Variants in PPP2CA observed in about 807,000 individuals in gnomAD.
PPP2CA encodes the protein serine/threonine-protein phosphatase 2A catalytic subunit alpha isoform.
PPP2CA carries 5 observed loss-of-function variants against 38.8 expected under a neutral mutation model. That is an observed-to-expected ratio of 0.13 (90% CI 0.07 to 0.27). The LOEUF (loss-of-function observed/expected upper bound fraction) is 0.27, where lower values mean the gene tolerates loss of function less well. PPP2CA is among the 10% of genes least tolerant of loss of function. The pLI, the probability that PPP2CA is intolerant of heterozygous loss-of-function variation, is 1.00. For missense variants in PPP2CA, 88 were observed against 389.7 expected (o/e 0.23, Z 6.52); for synonymous variants, 152 against 134.0 (o/e 1.13, Z -0.93).
intron 1 of PPP2CA, among the ~76,000 whole-genome samples, chr5:134,224,035 A>AACTC (rs763628218): frequency 1.6e-4 from 24 of 152,214 alleles, no homozygotes; most frequent in Non-Finnish European, 2.9e-4. Context: ...GTCCAAATCT[A>AACTC]ACTCGCAGTC....
At chr5:134,216,823 C>T (rs927488218) in intron 1 of PPP2CA, among the ~76,000 whole-genome samples, 12 of 152,126 alleles carry the variant, frequency 7.9e-5, no homozygotes, top group Admixed American at 2.0e-4. Context: ...GTTTCTGTAT[C>T]ATCAATTCTG....
intron 5 of PPP2CA, among the ~76,000 whole-genome samples, chr5:134,199,996 C>CTACA (rs1368810638): frequency 6.6e-6 from 1 of 152,162 alleles, no homozygotes; most frequent in Admixed American, 6.5e-5. Context: ...CCAGTCTCTC[C>CTACA]TACATACATA....
In PPP2CA at chr5:134,194,892, G is replaced by C. The variant is rs1178319270; in HGVS notation, c.*2880C>G. ...CCAAGTGCTGGGATTACAGGCATGA[G>C]CCACCGCGCCTGGCTGTTTTTAACC... On this transcript the variant is annotated 3_prime_UTR_variant, in exon 7 of 7. Coordinates refer to ENST00000481195, the MANE Select transcript of PPP2CA (RefSeq NM_002715.4). The C allele has an allele frequency of 6.6e-6, 1 of 152,150 alleles. No individual in the cohort carries two copies. The highest frequency in any genetic ancestry group is 2.4e-5 in the African/African-American group (1 of 41,420). 9.4% of individuals were successfully genotyped at this position (152,150 alleles called of 1,614,324 possible). A position where few individuals can be genotyped will look rare whatever the true frequency, so the allele number is the denominator to read the frequency against.
intron 6 of PPP2CA, among the ~76,000 whole-genome samples, chr5:134,198,875 A>C (rs994125948): frequency 1.3e-5 from 2 of 152,082 alleles, no homozygotes; most frequent in Non-Finnish European, 2.9e-5. Flanking sequence ...TTAAACTCTT[A>C]AACCTCACAT....
chr5:134,207,847 T>A (rs1236198175), intron 1 of PPP2CA, among the ~76,000 whole-genome samples: 1 of 152,190 alleles, frequency 6.6e-6, no homozygotes, highest in Non-Finnish European at 1.5e-5. Context: ...TATACTGGCC[T>A]GAGATACCTA....
intron 1 of PPP2CA, among the ~76,000 whole-genome samples, chr5:134,222,073 A>G (rs977731178): frequency 2.6e-5 from 4 of 152,126 alleles, no homozygotes; most frequent in African/African-American, 9.7e-5. Context: ...ACCTCTGAAA[A>G]CAGAAGGGGA....
At chr5:134,225,659 C>T in intron 1 of PPP2CA, 101 bp downstream of exon 1, 2 of 1,084,118 alleles carry the variant, frequency 1.8e-6, no homozygotes, top group Non-Finnish European at 2.6e-6. Context: ...CTCGGGGGGC[C>T]CGGACCGGCG....
At chr5:134,209,732 C>T (rs1283966957) in intron 1 of PPP2CA, among the ~76,000 whole-genome samples, 3 of 151,446 alleles carry the variant, frequency 2.0e-5, no homozygotes, top group Admixed American at 2.0e-4. Context: ...GAGCCAAGAT[C>T]GCTCCACTGC....
intron 1 of PPP2CA, among the ~76,000 whole-genome samples, chr5:134,209,021 T>C (rs561252600): frequency 4.7e-4 from 72 of 152,188 alleles, no homozygotes; most frequent in Non-Finnish European, 8.7e-4. Context: ...GCACATTTCC[T>C]GAGAGAAGAT....
intron 1 of PPP2CA, among the ~76,000 whole-genome samples, chr5:134,211,671 T>C (rs1762205379): frequency 6.6e-6 from 1 of 151,276 alleles, no homozygotes; most frequent in Non-Finnish European, 1.5e-5. Context: ...CAGACAGGAT[T>C]TCACCATCTT....
At position 134,196,021 on chromosome 5, in the gene PPP2CA, G is replaced by C. The variant is rs185270259; in HGVS notation, c.*1751C>G. ...AGCTATTTGTTCAGTCGGAGAGAAA[G>C]GGCATAGAGTGACAGAGCAACAAAA... On this transcript the variant is annotated 3_prime_UTR_variant, in exon 7 of 7. Transcript: ENST00000481195. The C allele has an allele frequency of 6.6e-6, 1 of 152,166 alleles. No individual in the cohort carries two copies. The highest frequency in any genetic ancestry group is 1.5e-5 in the Non-Finnish European group (1 of 68,020). The allele number at this position is 152,166 out of a possible 1,614,324, so 9.4% of individuals were successfully genotyped here.
chr5:134,200,540 G>C lies in PPP2CA; in HGVS notation c.577-44C>G, dbSNP rs776743576. The C allele has an allele frequency of 2.5e-6, 4 of 1,590,160 alleles. No individual in the cohort carries two copies. In the South Asian group the frequency reaches 3.4e-5, roughly 14 times the overall value. ...TTATAAAATGCCTTTTACAAACATG[G>C]TTAACACATTATTTGAGTAATTCAT... On this transcript the variant is annotated intron_variant, in intron 4 of 6. Coordinates refer to ENST00000481195, the MANE Select transcript of PPP2CA (RefSeq NM_002715.4).
At chr5:134,205,163 A>C (rs1414460797) in intron 2 of PPP2CA, among the ~76,000 whole-genome samples, 1 of 151,928 alleles carries the variant, frequency 6.6e-6, no homozygotes, top group Non-Finnish European at 1.5e-5. Context: ...AAACTCTTGG[A>C]CTCAAGCAAT....
chr5:134,201,658 GAAT>G (rs1474799317), intron 3 of PPP2CA, among the ~76,000 whole-genome samples, 187 bp downstream of exon 3: 3 of 152,100 alleles, frequency 2.0e-5, no homozygotes, highest in Non-Finnish European at 4.4e-5. Context: ...CTGATATAAA[GAAT>G]AATGCACTTA....
intron 1 of PPP2CA, chr5:134,224,386 C>G: frequency 2.4e-6 from 1 of 418,648 alleles, no homozygotes; most frequent in Non-Finnish European, 4.7e-6. Flanking sequence ...AGAAACAAAT[C>G]TAAATCTGAC....
Position 134,203,788 on chromosome 5 carries a change from T to A in PPP2CA, c.313-1767A>T, listed in dbSNP as rs1259367424. Among the ~76,000 whole-genome samples the A allele has an allele frequency of 2.6e-5, 4 of 152,258 alleles. No individual in the cohort carries two copies. The East Asian group carries it at 7.7e-4, about 29-fold the overall frequency. ...CCAGGCTCAAATGCAGTGGAGTAGC[T>A]CACCGCAGCCTGAAATTCCTAGGCT... On this transcript the variant is annotated intron_variant, in intron 2 of 6. Coordinates refer to ENST00000481195, the MANE Select transcript of PPP2CA (RefSeq NM_002715.4).
intron 1 of PPP2CA, among the ~76,000 whole-genome samples, chr5:134,219,526 G>A (rs1047906669): frequency 2.6e-5 from 4 of 152,176 alleles, no homozygotes; most frequent in Non-Finnish European, 5.9e-5. Flanking sequence ...ATCTGTAGTA[G>A]CAACTAAATG....
chr5:134,201,773 A>G, intron 3 of PPP2CA, 75 bp downstream of exon 3: 1 of 1,456,444 alleles, frequency 6.9e-7, no homozygotes, highest in Non-Finnish European at 9.3e-7. Context: ...AAGAGTGGAA[A>G]GAGTCATAAG....
intron 1 of PPP2CA, among the ~76,000 whole-genome samples, chr5:134,216,796 G>T (rs1046867875): frequency 1.3e-5 from 2 of 152,088 alleles, no homozygotes; most frequent in Non-Finnish European, 2.9e-5. Flanking sequence ...GAGCCACCAT[G>T]CCTAGACAGA....
Sources: gnomAD v4.1 joint callset for allele counts (sites outside exome capture counted in the v4.1 genomes callset) on GRCh38, gnomAD v4.1.1 for gene constraint, MANE v1.5 for transcripts, NCBI Gene and HGNC (gene_info 2026-07-23, HGNC 2026-07-21) for gene names.